CD99: variants seen among roughly 807,000 people sequenced by gnomAD.
CD99 encodes the protein CD99 antigen.
Under a neutral mutation model 28.4 loss-of-function variants are expected in CD99, and 19 were observed. That is an observed-to-expected ratio of 0.67 (90% CI 0.47 to 0.98). The LOEUF (loss-of-function observed/expected upper bound fraction) is 0.98. Ranked by LOEUF, CD99 falls within the 50% of genes least tolerant of loss-of-function variation. The pLI, the probability that CD99 is intolerant of heterozygous loss-of-function variation, is 0.00. For missense variants in CD99, 283 were observed against 248.8 expected (o/e 1.14, Z -0.92); for synonymous variants, 103 against 92.1 (o/e 1.12, Z -0.67).
At chrX:2,705,549 T>G (rs2048074160) in intron 1 of CD99, among the ~76,000 whole-genome samples, 1 of 152,176 alleles carries the variant, frequency 6.6e-6, no homozygotes, top group Non-Finnish European at 1.5e-5. Context: ...GTGAGATGGA[T>G]TTAAATATGC....
At chrX:2,714,484 C>T (rs778228717) in intron 2 of CD99, 30 bp downstream of exon 2, 14 of 1,564,984 alleles carry the variant, frequency 8.9e-6, no homozygotes, top group Middle Eastern at 1.7e-4. Context: ...TTTAAAATCC[C>T]GTCAATATTT....
chrX:2,696,861 GGT>G (rs1211185113), intron 1 of CD99, among the ~76,000 whole-genome samples: 1 of 152,068 alleles, frequency 6.6e-6, no homozygotes, highest in Non-Finnish European at 1.5e-5. Flanking sequence ...ATGGTGCATG[GGT>G]GTGTTTTTCG....
intron 8 of CD99, among the ~76,000 whole-genome samples, chrX:2,730,947 A>G (rs903018713): frequency 6.1e-5 from 9 of 148,264 alleles, no homozygotes; most frequent in East Asian, 6.0e-4. Context: ...AAAAAAAAAA[A>G]AGAGAAAGAA....
chrX:2,698,634 T>C (rs1383568054), intron 1 of CD99, among the ~76,000 whole-genome samples: 1 of 151,914 alleles, frequency 6.6e-6, no homozygotes, highest in Non-Finnish European at 1.5e-5. Context: ...ACTCAATTAA[T>C]TTTTACCTTT....
At chrX:2,731,629 G>C (rs2049613200) in intron 8 of CD99, among the ~76,000 whole-genome samples, 1 of 151,998 alleles carries the variant, frequency 6.6e-6, no homozygotes, top group East Asian at 1.9e-4. Flanking sequence ...CCAGTTTTGG[G>C]GATACTGTTA....
At chrX:2,705,487 C>G (rs1433903757) in intron 1 of CD99, among the ~76,000 whole-genome samples, 1 of 152,132 alleles carries the variant, frequency 6.6e-6, no homozygotes, top group African/African-American at 2.4e-5. Flanking sequence ...GACAAATACA[C>G]ATTGTATGTG....
intron 1 of CD99, among the ~76,000 whole-genome samples, chrX:2,700,522 A>ATGCATCCATCCATCCATGCG (rs1161083469): frequency 1.3e-5 from 2 of 151,346 alleles, no homozygotes; most frequent in African/African-American, 4.9e-5. Flanking sequence ...CCATTCATCC[A>ATGCATCCATCCATCCATGCG]TGCATCCATC....
At chrX:2,692,048 C>T in intron 1 of CD99, 2 of 633,670 alleles carry the variant, frequency 3.2e-6, no homozygotes, top group Non-Finnish European at 5.7e-6. Flanking sequence ...GTGTGCTTAC[C>T]AAATTGTCCA....
chrX:2,723,252 T>C, intron 6 of CD99, 62 bp from the exon 7 acceptor site: 7 of 1,556,842 alleles, frequency 4.5e-6, no homozygotes, highest in Non-Finnish European at 6.2e-6. Flanking sequence ...TTCACGGTCC[T>C]GGCTGTGAAT....
chrX:2,712,159 G>A (rs188062152), intron 1 of CD99, among the ~76,000 whole-genome samples: 5 of 152,212 alleles, frequency 3.3e-5, no homozygotes, highest in Non-Finnish European at 7.4e-5. Flanking sequence ...ACACGCTTAC[G>A]TGGAATCTAA....
intron 2 of CD99, among the ~76,000 whole-genome samples, chrX:2,715,921 T>G: frequency 6.6e-6 from 1 of 152,104 alleles, no homozygotes; most frequent in East Asian, 1.9e-4. Flanking sequence ...TGATTACAAC[T>G]GCAAAGACCC....
Position 2,714,405 on chromosome X carries a change from CTTT to C in CD99, c.68-12_68-10del. Reference sequence around the variant, plus strand: ...TATTTTTCTTGTTTCTAAGTTGACTCTTTTTTTCTCTCTTAGATGGTGGTTTCG... The same window carrying C: ...TATTTTTCTTGTTTCTAAGTTGACTCTTTTCTCTCTTAGATGGTGGTTTCG... On this transcript the variant is annotated splice_polypyrimidine_tract_variant and intron_variant, in intron 1 of 9. Transcript: ENST00000381192. 2 of 1,565,674 alleles carry C rather than the reference CTTT, an allele frequency of 1.3e-6. No individual in the cohort carries two copies. Among genetic ancestry groups the C allele is most frequent in the South Asian group, 2.3e-5 (2 of 85,682 alleles).
At chrX:2,706,559 A>G (rs2048127023) in intron 1 of CD99, among the ~76,000 whole-genome samples, 2 of 152,236 alleles carry the variant, frequency 1.3e-5, no homozygotes, top group South Asian at 2.1e-4. Context: ...TGGAGTGGCC[A>G]GCAGCAGGTG....
intron 8 of CD99, among the ~76,000 whole-genome samples, chrX:2,733,127 C>A (rs888945798): frequency 1.0e-4 from 15 of 149,792 alleles, no homozygotes; most frequent in African/African-American, 3.7e-4. Flanking sequence ...TCTCCCTGTT[C>A]CCTGCCTCCC....
intron 1 of CD99, among the ~76,000 whole-genome samples, chrX:2,694,866 T>G (rs186734701): frequency 6.6e-6 from 1 of 152,262 alleles, no homozygotes; most frequent in Admixed American, 6.5e-5. Flanking sequence ...CTCAAGTAAA[T>G]GATTGTTTGT....
rs2047271946 is a variant in CD99 at position 2,691,333 on chromosome X, G to A, written c.-28G>A. On this transcript the variant is annotated 5_prime_UTR_variant, in exon 1 of 10. Coordinates refer to ENST00000381192, the MANE Select transcript of CD99 (RefSeq NM_002414.5). ...CCTTCGCCCACGCCCTGCACTCCGG[G>A]ACCGTCCCTGCGCGCTCTGGGCGCA... is the stretch of plus-strand genomic sequence containing the variant. 2 of 1,538,480 alleles carry A rather than the reference G, an allele frequency of 1.3e-6. No homozygotes were observed. Among genetic ancestry groups the A allele is most frequent in the Non-Finnish European group, 1.7e-6 (2 of 1,152,134 alleles).
At chrX:2,720,620 CTTTTTTT>C (rs71281938) in intron 5 of CD99, among the ~76,000 whole-genome samples, 196 bp downstream of exon 5, 6 of 83,920 alleles carry the variant, frequency 7.1e-5, no homozygotes, top group Non-Finnish European at 1.3e-4. Context: ...TTTTAGTTTG[CTTTTTTT>C]TTTTTTTTTT....
chrX:2,723,257 G>A (rs1454120130), intron 6 of CD99, 57 bp from the exon 7 acceptor site: 2 of 1,581,220 alleles, frequency 1.3e-6, no homozygotes, highest in Non-Finnish European at 1.7e-6. Flanking sequence ...GGTCCTGGCT[G>A]TGAATTTTTC....
In CD99 at chrX:2,700,153, C is replaced by T. The variant is rs187532383; in HGVS notation, c.67+8726C>T. 1.3e-4 allele frequency among the ~76,000 whole-genome samples: 20 copies of T among 152,254 alleles called. No individual in the cohort carries two copies. The East Asian group carries it at 3.9e-3, about 29-fold the overall frequency. On this transcript the variant is annotated intron_variant, in intron 1 of 9. Coordinates refer to ENST00000381192, the MANE Select transcript of CD99 (RefSeq NM_002414.5). Reference sequence around the variant, plus strand: ...TGTGGGCTGAACAGAGCTCCCCAGGCACGGCCTTGTGGACCTTGAGGGATG... The same window carrying T: ...TGTGGGCTGAACAGAGCTCCCCAGGTACGGCCTTGTGGACCTTGAGGGATG...
Sources: allele counts gnomAD v4.1 joint callset (sites outside exome capture counted in the v4.1 genomes callset), GRCh38; gene constraint gnomAD v4.1.1; transcripts MANE v1.5; gene names NCBI Gene and HGNC (gene_info 2026-07-23, HGNC 2026-07-21).